The following SRRM2 variants were observed in gnomAD, a reference collection of about 807,000 sequenced individuals.
The protein encoded by SRRM2 is serine/arginine repetitive matrix protein 2.
Under a neutral mutation model 213.8 loss-of-function variants are expected in SRRM2, and 30 were observed. The ratio of observed to expected loss-of-function variants is 0.14; its 90% CI spans 0.10 to 0.19. SRRM2 has a LOEUF of 0.19. Among genes scored for constraint, SRRM2 ranks in the 10% least tolerant of loss-of-function variants. The probability of loss-of-function intolerance (pLI) is 1.00; values close to 1 mark genes in which losing one functional copy is unlikely to be tolerated. For missense variants in SRRM2, 4,904 were observed against 3,647.0 expected (o/e 1.34, Z -8.88); for synonymous variants, 2,025 against 1,377.7 (o/e 1.47, Z -10.40).
At chr16:2,768,649 C>T (rs2068626857) in intron 11 of SRRM2, 1 of 643,528 alleles carries the variant, frequency 1.6e-6, no homozygotes, top group Middle Eastern at 2.4e-4. Flanking sequence ...CCTTCCCCAG[C>T]CAACCTGCAC....
rs746344893 is a variant in SRRM2 at position 2,764,340 on chromosome 16, C to T, written c.3812C>T (p.Ser1271Phe). The T allele has an allele frequency of 1.2e-5, 19 of 1,614,080 alleles. No homozygotes were observed. Among genetic ancestry groups the T allele is most frequent in the East Asian group, 4.5e-5 (2 of 44,898 alleles). The change falls in exon 11 of 15, where the codon TCT becomes TTT. Residue 1271 changes from serine (S) to phenylalanine (F), a missense_variant. By Grantham distance (155) the Ser-to-Phe change is radical. Coordinates refer to ENST00000301740, the MANE Select transcript of SRRM2 (RefSeq NM_016333.4). Reference protein sequence around the residue: ...KEMSTSNFESSPEVEERPAVS... With the variant: ...KEMSTSNFESFPEVEERPAVS... ...ATGTCCACAAGTAACTTTGAATCAT[C>T]TCCTGAAGTAGAAGAAAGGCCTGCT...
chr16:2,767,930 C>A lies in SRRM2; in HGVS notation c.7402C>A (p.Pro2468Thr), dbSNP rs551244555. The change falls in exon 11 of 15, where the codon CCT becomes ACT. Residue 2468 changes from proline (P) to threonine (T), a missense_variant. Transcript: ENST00000301740. ...QSRCLIAQTT[P>T]VAGSQSLSSG... ...CCGTTGTTTGATTGCCCAGACCACC[C>A]CTGTAGCAGGGTCTCAGTCCCTTTC... 6.2e-7 allele frequency: 1 copy of A among 1,614,104 alleles called. No homozygotes were observed. Among genetic ancestry groups the A allele is most frequent in the East Asian group, 2.2e-5 (1 of 44,906 alleles).
At position 2,765,484 on chromosome 16, in the gene SRRM2, C is replaced by T. The variant is rs1447016244; in HGVS notation, c.4956C>T (p.Ser1652=). The change falls in exon 11 of 15, where the codon AGC becomes AGT. Residue 1652 remains serine, a synonymous_variant. Transcript: ENST00000301740. ...SKGRGPSPEG[S]SSTESSPEHP... is the part of the protein sequence containing the mutation. ...GCAGAGGCCCTTCTCCTGAAGGAAGCAGCAGTACCGAGTCCTCTCCTGAAC... is the reference window on the plus strand; with the variant it reads ...GCAGAGGCCCTTCTCCTGAAGGAAGTAGCAGTACCGAGTCCTCTCCTGAAC... 7.4e-6 allele frequency: 12 copies of T among 1,614,068 alleles called. No homozygotes were observed. Among genetic ancestry groups the T allele is most frequent in the African/African-American group, 2.7e-5 (2 of 74,924 alleles).
Position 2,770,754 on chromosome 16 carries a change from G to C in SRRM2, c.8249+37G>C, listed in dbSNP as rs754786733. On this transcript the variant is annotated intron_variant, in intron 14 of 14. Transcript: ENST00000301740. ...GGAAGGCTGATGCCCCCTTCCGGGA[G>C]CCAGTTGTGGTGGTGGGTGGCGGCC... 11 of 1,594,848 alleles carry C rather than the reference G, an allele frequency of 6.9e-6. No individual in the cohort carries two copies. In the East Asian group the frequency reaches 2.0e-4, roughly 29 times the overall value.
chr16:2,757,966 A>G lies in SRRM2; in HGVS notation c.515+21A>G, dbSNP rs79242015. On this transcript the variant is annotated intron_variant, in intron 4 of 14. Coordinates refer to ENST00000301740, the MANE Select transcript of SRRM2 (RefSeq NM_016333.4). ...TACAGGTATACAAGGCCAAGAAACC[A>G]CTGTCAGCTTCTTTTCTTGATTGTA... 5.2e-3 allele frequency: 8,247 copies of G among 1,592,754 alleles called. 381 individuals are homozygous for G. In the African/African-American group the frequency reaches 0.094, roughly 18 times the overall value.
rs751951626 is a variant in SRRM2 at position 2,765,222 on chromosome 16, C to A, written c.4694C>A (p.Ser1565Tyr). The stretch of plus-strand genomic sequence containing the variant: ...AGTGAGTCAGACTCTTCTCCAGATT[C>A]TAAAGCCAAGACAAGAACCCCACTT... ...ERSESDSSPD[S>Y]KAKTRTPLRQ... Residue 1565 changes from serine (S) to tyrosine (Y), a missense_variant, in exon 11 of 15, where the codon TCT becomes TAT. Transcript: ENST00000301740. 1.2e-6 allele frequency: 2 copies of A among 1,614,020 alleles called. No homozygotes were observed. Among genetic ancestry groups the A allele is most frequent in the Admixed American group, 1.7e-5 (1 of 60,010 alleles).
Position 2,765,652 on chromosome 16 carries a change from C to G in SRRM2, c.5124C>G (p.Arg1708=). The change falls in exon 11 of 15, where the codon CGC becomes CGG. Residue 1708 remains arginine (R), a synonymous_variant. Transcript: ENST00000301740. ...TRKARLSRRS[R]SASSSPETRS... is the part of the protein sequence containing the mutation. ...AGGCCAGACTGTCCCGTAGAAGCCG[C>G]TCTGCCTCATCCTCACCAGAAACTC... 1 of 1,614,190 alleles carries G rather than the reference C, an allele frequency of 6.2e-7. No homozygotes were observed. Among genetic ancestry groups the G allele is most frequent in the Non-Finnish European group, 8.5e-7 (1 of 1,180,026 alleles).
Position 2,752,739 on chromosome 16 carries a change from G to A in SRRM2, c.-139G>A. ...GAGGCGTCGGCGTCGGCTGAGGCGG[G>A]CGGACCGGCGAGGCGAGGCGGCGGC... On this transcript the variant is annotated 5_prime_UTR_variant, in exon 1 of 15. Transcript: ENST00000301740. 2.8e-6 allele frequency: 1 copy of A among 352,566 alleles called. No individual in the cohort carries two copies. The highest frequency in any genetic ancestry group is 3.5e-5 in the Admixed American group (1 of 28,190). 21.8% of individuals were successfully genotyped at this position (352,566 alleles called of 1,614,324 possible).
At position 2,752,805 on chromosome 16, in the gene SRRM2, G is replaced by A. The variant is rs1161218417; in HGVS notation, c.-73G>A. 1.5e-5 allele frequency: 5 copies of A among 340,646 alleles called. No homozygotes were observed. Among genetic ancestry groups the A allele is most frequent in the Admixed American group, 3.6e-5 (1 of 27,690 alleles). The allele number at this position is 340,646 out of a possible 1,614,324, so 21.1% of individuals were successfully genotyped here. ...CTCGGGAGCTCGAGCAGCGGCGGCGGCAAGACCTCTCCCCCTCGGAGGCGG... is the reference window on the plus strand; with the variant it reads ...CTCGGGAGCTCGAGCAGCGGCGGCGACAAGACCTCTCCCCCTCGGAGGCGG... On this transcript the variant is annotated 5_prime_UTR_variant, in exon 1 of 15. Coordinates refer to ENST00000301740, the MANE Select transcript of SRRM2 (RefSeq NM_016333.4).
At chr16:2,759,507 C>A in intron 8 of SRRM2, 62 bp from the exon 9 acceptor site, 1 of 1,601,948 alleles carries the variant, frequency 6.2e-7, no homozygotes, top group Non-Finnish European at 8.6e-7. Context: ...TTGAGGGATA[C>A]GTGAGGAGAA....
chr16:2,755,082 TTAG>T (rs1345751470), intron 1 of SRRM2, among the ~76,000 whole-genome samples: 2 of 152,258 alleles, frequency 1.3e-5, no homozygotes, highest in East Asian at 1.9e-4. Context: ...GGGTTTTTTC[TTAG>T]TAGTATTTTC....
rs2068722189 is a variant in SRRM2, at chr16:2,770,877, G to A, written c.*10G>A. On this transcript the variant is annotated 3_prime_UTR_variant, in exon 15 of 15. Transcript: ENST00000301740. ...TTGCAGGTCTCCATAAATTGTCTTT[G>A]GGGGATTCCACCACACCCAATGCTC... 6.2e-7 allele frequency: 1 copy of A among 1,613,870 alleles called. No individual in the cohort carries two copies. The highest frequency in any genetic ancestry group is 1.1e-5 in the South Asian group (1 of 91,008).
Position 2,765,504 on chromosome 16 carries a change from C to T in SRRM2, c.4976C>T (p.Pro1659Leu), listed in dbSNP as rs748648050. The T allele has an allele frequency of 1.2e-6, 2 of 1,614,074 alleles. No homozygotes were observed. The highest frequency in any genetic ancestry group is 1.3e-5 in the African/African-American group (1 of 74,922). Residue 1659 changes from proline to leucine, a missense_variant, in exon 11 of 15, where the codon CCT (proline) becomes CTT (leucine). Transcript: ENST00000301740. The stretch of plus-strand genomic sequence containing the variant: ...GGAAGCAGCAGTACCGAGTCCTCTC[C>T]TGAACATCCGCCCAAATCCAGAACT... ...PEGSSSTESS[P>L]EHPPKSRTAR...
chr16:2,765,328 C>A lies in SRRM2; in HGVS notation c.4800C>A (p.Ser1600=), dbSNP rs2068501358. The change falls in exon 11 of 15, where the codon TCC becomes TCA. Residue 1600 remains serine, a synonymous_variant. Transcript: ENST00000301740. ...CCCCTCGGCGCAGTAGGTCTGGTTC[C>A]TCCCCTGAAGTGAAAGATAAGCCAA... The part of the protein sequence containing the change: ...RLSPRRSRSG[S]SPEVKDKPRA... 6.2e-7 allele frequency: 1 copy of A among 1,614,154 alleles called. No individual in the cohort carries two copies. Among genetic ancestry groups the A allele is most frequent in the Non-Finnish European group, 8.5e-7 (1 of 1,180,032 alleles).
chr16:2,756,219 A>G (rs1186317139), intron 1 of SRRM2, 115 bp from the exon 2 acceptor site: 3 of 991,090 alleles, frequency 3.0e-6, no homozygotes, highest in Non-Finnish European at 4.3e-6. Flanking sequence ...GCGAAGACTT[A>G]GTGTGAAGAT....
At position 2,766,697 on chromosome 16, in the gene SRRM2, C is replaced by G. The variant is rs144781002; in HGVS notation, c.6169C>G (p.Arg2057Gly). The change falls in exon 11 of 15, where the codon CGT (arginine) becomes GGT (glycine). Residue 2057 changes from arginine (R) to glycine (G), a missense_variant. By Grantham distance (125) the Arg-to-Gly change is moderately radical. Transcript: ENST00000301740. The surrounding 1 kb of genome is among the most constrained non-coding windows in gnomAD (Gnocchi z 7.0). ...TGCTATCCGCCGCCGCTCCAGATCC[C>G]GTACTCCACGAACAGCTCGGGGTAA... is the stretch of plus-strand genomic sequence containing the variant. ...PLAIRRRSRSRTPRTARGKRS... is the reference protein window; with the variant it reads ...PLAIRRRSRSGTPRTARGKRS... The G allele has an allele frequency of 2.5e-6, 4 of 1,614,212 alleles. No homozygotes were observed. Among genetic ancestry groups the G allele is most frequent in the East Asian group, 2.2e-5 (1 of 44,888 alleles).
chr16:2,761,202 T>TA (rs2068333919), intron 10 of SRRM2, among the ~76,000 whole-genome samples: 1 of 152,278 alleles, frequency 6.6e-6, no homozygotes, highest in African/African-American at 2.4e-5. Context: ...TTTCGTTTAA[T>TA]AGAGTTATTC....
intron 1 of SRRM2, among the ~76,000 whole-genome samples, chr16:2,754,715 G>C: frequency 6.6e-6 from 1 of 152,232 alleles, no homozygotes. Context: ...GAAATTAAGT[G>C]GGGTAGGGGA....
intron 2 of SRRM2, 49 bp downstream of exon 2, chr16:2,756,655 G>T (rs370656171): frequency 3.8e-6 from 6 of 1,564,284 alleles, no homozygotes; most frequent in Non-Finnish European, 4.3e-6. Flanking sequence ...TGCAGAGCTG[G>T]GGGTGTTAGG....
Sources: gnomAD v4.1 joint callset for allele counts (sites outside exome capture counted in the v4.1 genomes callset) on GRCh38, gnomAD v4.1.1 for gene constraint, Gnocchi (gnomAD v3.1) non-coding constraint, MANE v1.5 for transcripts, NCBI Gene and HGNC (gene_info 2026-07-23, HGNC 2026-07-21) for gene names.